ANKRD11: variants seen among roughly 807,000 people sequenced by gnomAD.
ANKRD11 encodes the protein ankyrin repeat domain 11.
Under a neutral mutation model 195.7 loss-of-function variants are expected in ANKRD11, and 17 were observed. The observed-to-expected ratio is 0.09, with a 90% CI of 0.06 to 0.13. The LOEUF is 0.13. Among genes scored for constraint, ANKRD11 ranks in the 10% least tolerant of loss-of-function variants. The probability of loss-of-function intolerance (pLI) is 1.00; values close to 1 mark genes in which losing one functional copy is unlikely to be tolerated. For missense variants in ANKRD11, 3,735 were observed against 3,566.1 expected (o/e 1.05, Z -1.21); for synonymous variants, 1,953 against 1,528.1 (o/e 1.28, Z -6.49).
chr16:89,397,608 G>A (rs116700207), intron 2 of ANKRD11, among the ~76,000 whole-genome samples: 31 of 152,354 alleles, frequency 2.0e-4, no homozygotes, highest in African/African-American at 6.0e-4. Flanking sequence ...GGGCCCACCT[G>A]CCTCAGGCTG....
At chr16:89,440,604 A>C (rs928218879) in intron 1 of ANKRD11, among the ~76,000 whole-genome samples, 1 of 152,088 alleles carries the variant, frequency 6.6e-6, no homozygotes, top group African/African-American at 2.4e-5. Context: ...ACACGACAAA[A>C]CTCTGTCTCA....
At chr16:89,275,245 AGGATATAGTCT>A in intron 9 of ANKRD11, 54 bp from the exon 10 acceptor site, 1 of 1,490,234 alleles carries the variant, frequency 6.7e-7, no homozygotes, top group Non-Finnish European at 9.2e-7. Context: ...AACTGCACGA[AGGATATAGTCT>A]GGAGTTCACG....
At chr16:89,358,708 G>A (rs557560094) in intron 2 of ANKRD11, among the ~76,000 whole-genome samples, 166 of 152,288 alleles carry the variant, frequency 1.1e-3, no homozygotes, top group African/African-American at 3.9e-3. Flanking sequence ...GCCCTCGCTG[G>A]CCCTGTGTGC....
At chr16:89,305,535 C>A (rs1051697809) in intron 3 of ANKRD11, among the ~76,000 whole-genome samples, 191 bp from the exon 4 acceptor site, 8 of 152,212 alleles carry the variant, frequency 5.3e-5, no homozygotes, top group Admixed American at 5.2e-4. Context: ...CGGGGTCGGG[C>A]TGTGGCTCAG....
At chr16:89,363,175 A>G (rs2039804297) in intron 2 of ANKRD11, among the ~76,000 whole-genome samples, 1 of 152,226 alleles carries the variant, frequency 6.6e-6, no homozygotes, top group Non-Finnish European at 1.5e-5. Flanking sequence ...CCTGTTAAAA[A>G]AAATATACGA....
chr16:89,387,237 A>G (rs1441272024), intron 2 of ANKRD11, among the ~76,000 whole-genome samples: 1 of 152,084 alleles, frequency 6.6e-6, no homozygotes, highest in African/African-American at 2.4e-5. Flanking sequence ...GTTAAAAAAA[A>G]AAAAAGCATC....
At chr16:89,480,334 G>A (rs867525529) in intron 1 of ANKRD11, among the ~76,000 whole-genome samples, 4 of 151,026 alleles carry the variant, frequency 2.6e-5, no homozygotes, top group Admixed American at 1.3e-4. Context: ...AAAATTAGCC[G>A]AGCCTGGTGG....
Position 89,291,634 on chromosome 16 carries a change from A to C in ANKRD11, c.227-451T>G. ...AGTGCAGATATAAAATGGCAGACACAGTTTAAAACACATCAGTAAATCAAG... is the reference window on the plus strand; with the variant it reads ...AGTGCAGATATAAAATGGCAGACACCGTTTAAAACACATCAGTAAATCAAG... On this transcript the variant is annotated intron_variant, in intron 4 of 12. Coordinates refer to ENST00000301030, the MANE Select transcript of ANKRD11 (RefSeq NM_013275.6). The surrounding 1 kb of genome is among the most constrained non-coding windows in gnomAD (Gnocchi z 5.3). 8.0e-7 allele frequency: 1 copy of C among 1,253,890 alleles called. No individual in the cohort carries two copies. The highest frequency in any genetic ancestry group is 1.0e-6 in the Non-Finnish European group (1 of 955,530). 77.7% of individuals were successfully genotyped at this position (1,253,890 alleles called of 1,614,324 possible). A position where few individuals can be genotyped will look rare whatever the true frequency, so the allele number is the denominator to read the frequency against.
rs148862777 is a variant in ANKRD11 at position 89,476,560 on chromosome 16, T to C, written c.-145+13685A>G. On this transcript the variant is annotated intron_variant, in intron 1 of 12. Transcript: ENST00000301030. Reference sequence around the variant, plus strand: ...CTTGCTTCTAACCAGCCTGGGCAGGTGGGCAGGTTACAACACACTCCTGAC... The same window carrying C: ...CTTGCTTCTAACCAGCCTGGGCAGGCGGGCAGGTTACAACACACTCCTGAC... Among the ~76,000 whole-genome samples the C allele has an allele frequency of 4.8e-3, 733 of 152,274 alleles. 5 individuals carry two copies. Among genetic ancestry groups the C allele is most frequent in the African/African-American group, 0.017 (709 of 41,562 alleles).
rs1156815415 is a variant in ANKRD11, at chr16:89,284,921, G to C, written c.1621C>G (p.Gln541Glu). The C allele has an allele frequency of 2.5e-6, 4 of 1,614,066 alleles. No individual in the cohort carries two copies. Among genetic ancestry groups the C allele is most frequent in the Non-Finnish European group, 3.4e-6 (4 of 1,180,046 alleles). ...AQKQNPSHTD[Q>E]HTKHWRTDNW... ...TCTGTCCGCCAGTGCTTGGTGTGCT[G>C]GTCTGTGTGGCTGGGGTTCTGCTTC... The change falls in exon 9 of 13, where the codon CAG becomes GAG. Residue 541 changes from glutamine (Q) to glutamate (E), a missense_variant. By Grantham distance (29) the Gln-to-Glu change is conservative. Transcript: ENST00000301030.
At chr16:89,331,626 T>C (rs1009024633) in intron 2 of ANKRD11, among the ~76,000 whole-genome samples, 10 of 151,968 alleles carry the variant, frequency 6.6e-5, no homozygotes, top group Non-Finnish European at 1.3e-4. Context: ...TAGAGATTTA[T>C]AGATATGTAT....
chr16:89,446,652 C>A (rs1378629104), intron 1 of ANKRD11, among the ~76,000 whole-genome samples: 1 of 152,134 alleles, frequency 6.6e-6, no homozygotes, highest in East Asian at 1.9e-4. Context: ...TTCTGGCTGC[C>A]AGGCCATCAA....
intron 2 of ANKRD11, among the ~76,000 whole-genome samples, chr16:89,347,041 A>C (rs2038973744): frequency 6.6e-6 from 1 of 152,188 alleles, no homozygotes; most frequent in Admixed American, 6.5e-5. Flanking sequence ...CAGGAAGAGA[A>C]GGCTCTGCTG....
At chr16:89,313,276 C>T (rs1216189755) in intron 3 of ANKRD11, 1 of 1,276,596 alleles carries the variant, frequency 7.8e-7, no homozygotes, top group Non-Finnish European at 1.0e-6. Context: ...ACAGGGGACC[C>T]ATGGGGTGGG....
chr16:89,323,169 TG>T, intron 2 of ANKRD11: 1 of 457,092 alleles, frequency 2.2e-6, no homozygotes, highest in Non-Finnish European at 3.8e-6. Context: ...GCGTCAGGAG[TG>T]GTGCCTTGTG....
chr16:89,275,716 GC>G (rs1268832715), intron 9 of ANKRD11, among the ~76,000 whole-genome samples: 1 of 152,252 alleles, frequency 6.6e-6, no homozygotes, highest in African/African-American at 2.4e-5. Context: ...CCCCGTGGGG[GC>G]TGGGGGACTG....
chr16:89,299,727 G>T (rs1411797010), intron 4 of ANKRD11: 9 of 175,070 alleles, frequency 5.1e-5, no homozygotes, highest in South Asian at 5.5e-5. Context: ...GCCCTGTGTG[G>T]GATGCGTGGG....
chr16:89,403,914 A>C (rs1205457159), intron 2 of ANKRD11, among the ~76,000 whole-genome samples: 1 of 152,162 alleles, frequency 6.6e-6, no homozygotes, highest in African/African-American at 2.4e-5. Context: ...ACAAAGCAAG[A>C]CTTGTCTCTT....
At chr16:89,444,076 T>A (rs2043664959) in intron 1 of ANKRD11, among the ~76,000 whole-genome samples, 1 of 152,152 alleles carries the variant, frequency 6.6e-6, no homozygotes, top group Non-Finnish European at 1.5e-5. Context: ...AAAGTTCAAA[T>A]CTGAAATAAA....
Sources: allele counts gnomAD v4.1 joint callset (sites outside exome capture counted in the v4.1 genomes callset), GRCh38; gene constraint gnomAD v4.1.1; non-coding constraint Gnocchi (gnomAD v3.1); transcripts MANE v1.5; gene names NCBI Gene and HGNC (gene_info 2026-07-23, HGNC 2026-07-21).